NMUR2: variants seen among roughly 807,000 people sequenced by gnomAD.
The protein encoded by NMUR2 is neuromedin U receptor 2.
A neutral mutation model predicts 25.1 loss-of-function variants in NMUR2; 24 were observed. That is an observed-to-expected ratio of 0.96 (90% CI 0.69 to 1.34). NMUR2 has a LOEUF of 1.34. NMUR2 is among the 40% of genes most tolerant of loss of function. The pLI, the probability that NMUR2 is intolerant of heterozygous loss-of-function variation, is 0.00. For synonymous variants in NMUR2, 218 were observed against 208.1 expected (o/e 1.05, Z -0.41); for missense variants, 533 against 512.8 (o/e 1.04, Z -0.38).
In NMUR2 at chr5:152,398,088, G is replaced by C; in HGVS notation, c.783C>G (p.Pro261=). Residue 261 remains proline, a synonymous_variant, in exon 2 of 4, where the codon CCC becomes CCG. Transcript: ENST00000255262. ...ADEGNANIQR[P]CRKSVNKMLF... ...GCATCTTGTTGACTGATTTTCTGCA[G>C]GGTCTTTGAATATTTGCATTCCCTT... 1 of 1,613,330 alleles carries C rather than the reference G, an allele frequency of 6.2e-7. No homozygotes were observed.
At position 152,405,217 on chromosome 5, in the gene NMUR2, T is replaced by TCACGA; in HGVS notation, c.-109_-105dup. 1 of 1,333,568 alleles carries TCACGA rather than the reference T, an allele frequency of 7.5e-7. No homozygotes were observed. Among genetic ancestry groups the TCACGA allele is most frequent in the South Asian group, 1.5e-5 (1 of 67,690 alleles). 82.6% of individuals were successfully genotyped at this position (1,333,568 alleles called of 1,614,324 possible). A position where few individuals can be genotyped will look rare whatever the true frequency, so the allele number is the denominator to read the frequency against. On this transcript the variant is annotated 5_prime_UTR_variant, in exon 1 of 4. Coordinates refer to ENST00000255262, the MANE Select transcript of NMUR2 (RefSeq NM_020167.5). The stretch of plus-strand genomic sequence containing the variant: ...AAGGAAAACAAAAAAGAGAAAGCAG[T>TCACGA]CACGAAAGTCACAGGCTTCGTAAGG...
intron 1 of NMUR2, among the ~76,000 whole-genome samples, chr5:152,402,997 C>T (rs1257489293): frequency 1.3e-5 from 2 of 152,202 alleles, no homozygotes; most frequent in African/African-American, 4.8e-5. Context: ...TTCTGACAAT[C>T]GGCTTCTCAG....
Position 152,395,585 on chromosome 5 carries a change from C to A in NMUR2, c.812-1G>T. 1 of 1,613,036 alleles carries A rather than the reference C, an allele frequency of 6.2e-7. No homozygotes were observed. Among genetic ancestry groups the A allele is most frequent in the Non-Finnish European group, 8.5e-7 (1 of 1,179,554 alleles). ...ATAGCAAACACTAAGACCAAGACAA[C>A]TGAAAATGGATGATAAATGGGAGAC... On this transcript the variant is annotated splice_acceptor_variant, in intron 2 of 3. Transcript: ENST00000255262. LOFTEE classifies it high-confidence loss of function.
At position 152,392,315 on chromosome 5, in the gene NMUR2, G is replaced by T; in HGVS notation, c.1124C>A (p.Thr375Asn). ...TGGGAATTGGGGACCTATATCTTCGGTCAGCTCCACAAAGTGGCATTCTGT... is the reference window on the plus strand; with the variant it reads ...TGGGAATTGGGGACCTATATCTTCGTTCAGCTCCACAAAGTGGCATTCTGT... ...FLTECHFVEL[T>N]EDIGPQFPCQ... The change falls in exon 4 of 4, where the codon ACC becomes AAC. Residue 375 changes from threonine (T) to asparagine (N), a missense_variant. Coordinates refer to ENST00000255262, the MANE Select transcript of NMUR2 (RefSeq NM_020167.5). 1.2e-6 allele frequency: 2 copies of T among 1,613,990 alleles called. No homozygotes were observed. The highest frequency in any genetic ancestry group is 1.7e-6 in the Non-Finnish European group (2 of 1,179,938).
chr5:152,404,846 A>C lies in NMUR2; in HGVS notation c.268T>G (p.Ser90Ala), dbSNP rs1428694783. ...TNYYLFSLAV[S>A]DLLVLLLGMP... ...CCAAGGAGCAGGACCAGGAGGTCAGAGACCGCCAGGCTGAAGAGGTAGTAG... is the reference window on the plus strand; with the variant it reads ...CCAAGGAGCAGGACCAGGAGGTCAGCGACCGCCAGGCTGAAGAGGTAGTAG... Residue 90 changes from serine (S) to alanine (A), a missense_variant, in exon 1 of 4, where the codon TCT becomes GCT. By Grantham distance (99) the Ser-to-Ala change is moderately conservative. Coordinates refer to ENST00000255262, the MANE Select transcript of NMUR2 (RefSeq NM_020167.5). 1 of 1,614,132 alleles carries C rather than the reference A, an allele frequency of 6.2e-7. No individual in the cohort carries two copies. The highest frequency in any genetic ancestry group is 1.7e-5 in the Admixed American group (1 of 60,018).
chr5:152,395,900 T>C (rs544801791), intron 2 of NMUR2, among the ~76,000 whole-genome samples: 1 of 152,100 alleles, frequency 6.6e-6, no homozygotes, highest in South Asian at 2.1e-4. Context: ...TTGTGAAAGA[T>C]AAATAATAAA....
At chr5:152,400,987 G>C (rs997620436) in intron 1 of NMUR2, among the ~76,000 whole-genome samples, 5 of 152,156 alleles carry the variant, frequency 3.3e-5, no homozygotes, top group African/African-American at 1.2e-4. Flanking sequence ...AGTTTATAAT[G>C]ACCTAACTAG....
At position 152,392,264 on chromosome 5, in the gene NMUR2, T is replaced by C; in HGVS notation, c.1175A>G (p.His392Arg). 3 of 1,613,370 alleles carry C rather than the reference T, an allele frequency of 1.9e-6. No individual in the cohort carries two copies. The highest frequency in any genetic ancestry group is 2.5e-6 in the Non-Finnish European group (3 of 1,179,572). Residue 392 changes from histidine to arginine, a missense_variant, in exon 4 of 4, where the codon CAC becomes CGC. Transcript: ENST00000255262. Reference protein sequence around the residue: ...FPCQSSMHNSHLPAALSSEQM... With the variant: ...FPCQSSMHNSRLPAALSSEQM... The stretch of plus-strand genomic sequence containing the variant: ...TTCACTAGAGAGGGCTGCTGGGAGG[T>C]GAGAGTTGTGCATGGATGACTGACA...
At chr5:152,402,993 C>A (rs906787636) in intron 1 of NMUR2, among the ~76,000 whole-genome samples, 3 of 152,204 alleles carry the variant, frequency 2.0e-5, no homozygotes, top group African/African-American at 7.2e-5. Flanking sequence ...TCGCTTCTGA[C>A]AATCGGCTTC....
intron 1 of NMUR2, 118 bp from the exon 2 acceptor site, chr5:152,398,262 G>T: frequency 1.5e-6 from 1 of 682,166 alleles, no homozygotes; most frequent in Non-Finnish European, 2.5e-6. Context: ...GAGACCTAGA[G>T]AAATGTAAGA....
At position 152,404,374 on chromosome 5, in the gene NMUR2, G is replaced by C; in HGVS notation, c.726+14C>G. On this transcript the variant is annotated intron_variant, in intron 1 of 3. Transcript: ENST00000255262. ...AGGGATGCTGCCTCAGGCCACCCCAGCCTAGATACTCACTCTGAGTGCCAT... is the reference window on the plus strand; with the variant it reads ...AGGGATGCTGCCTCAGGCCACCCCACCCTAGATACTCACTCTGAGTGCCAT... The C allele has an allele frequency of 6.3e-7, 1 of 1,597,912 alleles. No homozygotes were observed. The highest frequency in any genetic ancestry group is 1.1e-5 in the South Asian group (1 of 89,196).
chr5:152,405,160 G>C lies in NMUR2; in HGVS notation c.-47C>G, dbSNP rs1240001364. On this transcript the variant is annotated 5_prime_UTR_variant, in exon 1 of 4. Coordinates refer to ENST00000255262, the MANE Select transcript of NMUR2 (RefSeq NM_020167.5). ...CCCCTGGTACGAGGCTCTGTTTCAA[G>C]CTGAGCCAGGAAAAAAAAAAAAAAA... The C allele has an allele frequency of 5.6e-6, 8 of 1,440,854 alleles. No homozygotes were observed. Among genetic ancestry groups the C allele is most frequent in the Non-Finnish European group, 6.4e-6 (7 of 1,086,090 alleles). 89.3% of individuals were successfully genotyped at this position (1,440,854 alleles called of 1,614,324 possible). A position where few individuals can be genotyped will look rare whatever the true frequency, so the allele number is the denominator to read the frequency against.
intron 3 of NMUR2, 70 bp from the exon 4 acceptor site, chr5:152,392,571 AAAT>A: frequency 8.1e-7 from 1 of 1,230,222 alleles, no homozygotes; most frequent in Non-Finnish European, 1.2e-6. Context: ...GAAGAAGCAT[AAAT>A]ATTTACAAAG....
At chr5:152,395,412 C>G in intron 3 of NMUR2, 47 bp downstream of exon 3, 1 of 1,609,288 alleles carries the variant, frequency 6.2e-7, no homozygotes, top group Non-Finnish European at 8.5e-7. Flanking sequence ...GAAGAAGGTG[C>G]TGTTACCTGA....
At chr5:152,397,905 A>G (rs716257) in intron 2 of NMUR2, among the ~76,000 whole-genome samples, 155 bp downstream of exon 2, 21,966 of 152,018 alleles carry the variant, frequency 0.14, 2,054 homozygotes, top group Admixed American at 0.24. Flanking sequence ...TTCATTATAT[A>G]TCTCTCCCCT....
rs747058294 is a variant in NMUR2 at position 152,404,865 on chromosome 5, G to A, written c.249C>T (p.Tyr83=). ...HQAMKTPTNY[Y]LFSLAVSDLL... is the part of the protein sequence containing the mutation. The stretch of plus-strand genomic sequence containing the variant: ...GGTCAGAGACCGCCAGGCTGAAGAG[G>A]TAGTAGTTGGTGGGCGTCTTCATAG... Residue 83 remains tyrosine, a synonymous_variant, in exon 1 of 4, where the codon TAC becomes TAT. Coordinates refer to ENST00000255262, the MANE Select transcript of NMUR2 (RefSeq NM_020167.5). 2 of 1,614,088 alleles carry A rather than the reference G, an allele frequency of 1.2e-6. No individual in the cohort carries two copies. The highest frequency in any genetic ancestry group is 1.7e-6 in the Non-Finnish European group (2 of 1,180,018).
intron 1 of NMUR2, among the ~76,000 whole-genome samples, chr5:152,404,137 A>T (rs1266487203): frequency 6.6e-6 from 1 of 152,190 alleles, no homozygotes; most frequent in Non-Finnish European, 1.5e-5. Flanking sequence ...GAACATTTAG[A>T]TACGAGAACC....
intron 1 of NMUR2, among the ~76,000 whole-genome samples, chr5:152,400,688 A>G (rs1753236927): frequency 6.6e-6 from 1 of 152,184 alleles, no homozygotes; most frequent in Non-Finnish European, 1.5e-5. Context: ...TAATTACTTC[A>G]TGCCACTTAA....
In NMUR2 at chr5:152,392,377, G is replaced by C. The variant is rs775476877; in HGVS notation, c.1062C>G (p.Asp354Glu). 1.2e-6 allele frequency: 2 copies of C among 1,614,066 alleles called. No individual in the cohort carries two copies. Among genetic ancestry groups the C allele is most frequent in the Non-Finnish European group, 1.7e-6 (2 of 1,179,940 alleles). Reference sequence around the variant, plus strand: ...TCCGCTGGGCAGGTGGCAACTGTGGGTCATGCTGGGAGTGCCACTGTTTGT... The same window carrying C: ...TCCGCTGGGCAGGTGGCAACTGTGGCTCATGCTGGGAGTGCCACTGTTTGT... ...SFHKQWHSQH[D>E]PQLPPAQRNI... The change falls in exon 4 of 4, where the codon GAC becomes GAG. Residue 354 changes from aspartate to glutamate, a missense_variant. Asp to Glu is a conservative substitution (Grantham distance 45). Coordinates refer to ENST00000255262, the MANE Select transcript of NMUR2 (RefSeq NM_020167.5).
Sources: allele counts gnomAD v4.1 joint callset (sites outside exome capture counted in the v4.1 genomes callset), GRCh38; gene constraint gnomAD v4.1.1; transcripts MANE v1.5; gene names NCBI Gene and HGNC (gene_info 2026-07-23, HGNC 2026-07-21).